The following MIPOL1 variants were observed in gnomAD, a reference collection of about 807,000 sequenced individuals.
The protein encoded by MIPOL1 is mirror-image polydactyly 1, also known as mirror-image polydactyly gene 1 protein.
A neutral mutation model predicts 60.9 loss-of-function variants in MIPOL1; 57 were observed. The ratio of observed to expected loss-of-function variants is 0.94; its 90% CI spans 0.76 to 1.17. The LOEUF (loss-of-function observed/expected upper bound fraction) is 1.17, where lower values mean the gene tolerates loss of function less well. Ranked by LOEUF, MIPOL1 falls within the 50% of genes most tolerant of loss-of-function variation. The probability of loss-of-function intolerance (pLI) is 0.00; values close to 1 mark genes in which losing one functional copy is unlikely to be tolerated. For synonymous variants in MIPOL1, 179 were observed against 168.8 expected, an observed-to-expected ratio of 1.06 and a Z score of -0.47; for missense variants, 551 against 511.6, an observed-to-expected ratio of 1.08 and a Z score of -0.74.
intron 11 of MIPOL1, among the ~76,000 whole-genome samples, chr14:37,494,277 A>G (rs1441974517): frequency 6.6e-6 from 1 of 152,230 alleles, no homozygotes; most frequent in African/African-American, 2.4e-5. Context: ...AAACCACAAG[A>G]TGAAATGGAA....
At chr14:37,295,282 T>C (rs1454379935) in intron 7 of MIPOL1, among the ~76,000 whole-genome samples, 6 of 152,178 alleles carry the variant, frequency 3.9e-5, no homozygotes, top group South Asian at 2.1e-4. Flanking sequence ...CCATGCCTGC[T>C]CTACAAGAGC....
At chr14:37,430,339 A>G (rs1005288101) in intron 11 of MIPOL1, among the ~76,000 whole-genome samples, 1 of 151,942 alleles carries the variant, frequency 6.6e-6, no homozygotes, top group African/African-American at 2.4e-5. Flanking sequence ...TTAAATTTTT[A>G]TTTAGTAACA....
At chr14:37,431,489 C>G (rs1410591507) in intron 11 of MIPOL1, among the ~76,000 whole-genome samples, 1 of 150,922 alleles carries the variant, frequency 6.6e-6, no homozygotes, top group East Asian at 2.0e-4. Flanking sequence ...TTTAACAATA[C>G]CACATTACAT....
intron 11 of MIPOL1, among the ~76,000 whole-genome samples, chr14:37,437,952 A>C (rs775899282): frequency 3.3e-5 from 5 of 152,168 alleles, no homozygotes; most frequent in African/African-American, 1.2e-4. Context: ...CATTAAACGC[A>C]ATATTTTGTG....
intron 12 of MIPOL1, among the ~76,000 whole-genome samples, chr14:37,522,334 G>C (rs183418858): frequency 2.0e-5 from 3 of 152,210 alleles, no homozygotes; most frequent in Non-Finnish European, 4.4e-5. Flanking sequence ...TTATAGAATA[G>C]TTTACCATAT....
In MIPOL1 at chr14:37,519,117, A is replaced by G. The variant is rs181039717; in HGVS notation, c.1262+18979A>G. Among the ~76,000 whole-genome samples, 7 of 152,300 alleles carry G rather than the reference A, an allele frequency of 4.6e-5. No homozygotes were observed. The East Asian group carries it at 9.7e-4, about 21-fold the overall frequency. The stretch of plus-strand genomic sequence containing the variant: ...AGTATAATTAATTCAAGCAAAGACC[A>G]TGAATCAGCTATAAAATTAGTTAAA... On this transcript the variant is annotated intron_variant, in intron 12 of 12. Coordinates refer to ENST00000684589, the MANE Select transcript of MIPOL1 (RefSeq NM_001388067.1).
At chr14:37,478,866 T>C (rs1359917675) in intron 11 of MIPOL1, among the ~76,000 whole-genome samples, 5 of 152,038 alleles carry the variant, frequency 3.3e-5, no homozygotes, top group Non-Finnish European at 5.9e-5. Flanking sequence ...AATATTGTTT[T>C]AGACAATATA....
intron 10 of MIPOL1, among the ~76,000 whole-genome samples, chr14:37,391,685 T>C: frequency 6.6e-6 from 1 of 152,094 alleles, no homozygotes; most frequent in East Asian, 1.9e-4. Context: ...TGAGCCACCG[T>C]GCCCAGCCAC....
chr14:37,349,236 C>T (rs1175724209), intron 9 of MIPOL1, among the ~76,000 whole-genome samples: 1 of 152,096 alleles, frequency 6.6e-6, no homozygotes, highest in Non-Finnish European at 1.5e-5. Context: ...GATCCACCCA[C>T]CTCGGCCTCC....
chr14:37,431,507 A>G (rs1025567126), intron 11 of MIPOL1, among the ~76,000 whole-genome samples: 3 of 151,334 alleles, frequency 2.0e-5, no homozygotes, highest in South Asian at 2.1e-4. Context: ...CATATATAAT[A>G]AAGTCCGAAC....
At chr14:37,524,294 G>A (rs1222064649) in intron 12 of MIPOL1, among the ~76,000 whole-genome samples, 1 of 152,084 alleles carries the variant, frequency 6.6e-6, no homozygotes, top group African/African-American at 2.4e-5. Flanking sequence ...TGGATGTGGG[G>A]TGGGGGAGAT....
intron 11 of MIPOL1, among the ~76,000 whole-genome samples, chr14:37,484,467 A>G (rs1466587561): frequency 6.6e-6 from 1 of 151,098 alleles, no homozygotes; most frequent in Admixed American, 6.6e-5. Context: ...TCTCCTGAGT[A>G]GCTGGGACTA....
rs369471849 is a variant in MIPOL1, at chr14:37,298,164, G to C, written c.624-9892G>C. On this transcript the variant is annotated intron_variant, in intron 7 of 12. Coordinates refer to ENST00000684589, the MANE Select transcript of MIPOL1 (RefSeq NM_001388067.1). ...TAATGCCGCATATCTACAACTATCT[G>C]ATCTTTGACAAACCTGAGAAAAACA... Among the ~76,000 whole-genome samples the C allele has an allele frequency of 4.6e-4, 70 of 152,210 alleles. 1 individual carries two copies. In the East Asian group the frequency reaches 0.012, roughly 25 times the overall value.
chr14:37,365,146 T>A (rs1566443744), intron 9 of MIPOL1, among the ~76,000 whole-genome samples: 1 of 152,196 alleles, frequency 6.6e-6, no homozygotes. Flanking sequence ...GATCATATCA[T>A]CTGCAAACAA....
Position 37,310,254 on chromosome 14 carries a change from C to T in MIPOL1, c.828+1735C>T, listed in dbSNP as rs76229420. On this transcript the variant is annotated intron_variant, in intron 9 of 12. Coordinates refer to ENST00000684589, the MANE Select transcript of MIPOL1 (RefSeq NM_001388067.1). ...GCAGGAGAAAAATCACACAAATTTA[C>T]TGACTGTACTTACCTTAAATCCATG... 1.3e-3 allele frequency among the ~76,000 whole-genome samples: 199 copies of T among 152,266 alleles called. 1 individual carries two copies. The highest frequency in any genetic ancestry group is 4.5e-3 in the African/African-American group (186 of 41,562).
chr14:37,334,676 T>C (rs2089980278), intron 9 of MIPOL1, among the ~76,000 whole-genome samples: 1 of 151,978 alleles, frequency 6.6e-6, no homozygotes, highest in Non-Finnish European at 1.5e-5. Flanking sequence ...TTCCCCCAAA[T>C]TTATTTCCAC....
At chr14:37,258,551 A>T (rs984689135) in intron 3 of MIPOL1, among the ~76,000 whole-genome samples, 2 of 152,154 alleles carry the variant, frequency 1.3e-5, no homozygotes, top group African/African-American at 4.8e-5. Context: ...TTTCACAATC[A>T]TTTCAGCCTA....
intron 10 of MIPOL1, among the ~76,000 whole-genome samples, chr14:37,393,866 A>G (rs1234589022): frequency 2.7e-5 from 4 of 150,208 alleles, no homozygotes; most frequent in Non-Finnish European, 4.4e-5. Flanking sequence ...CCTCCTCCCA[A>G]GTCCCCAAAG....
Position 37,235,929 on chromosome 14 carries a change from A to ATT in MIPOL1, c.-198-11160_-198-11159dup, listed in dbSNP as rs199777000. 5.1e-4 allele frequency among the ~76,000 whole-genome samples: 74 copies of ATT among 143,726 alleles called. 1 individual carries two copies. The highest frequency in any genetic ancestry group is 4.5e-3 in the East Asian group (22 of 4,916). The allele number at this position is 143,726 out of a possible 152,430, so 94.3% of individuals were successfully genotyped here. On this transcript the variant is annotated intron_variant, in intron 1 of 12. Transcript: ENST00000684589. ...ACCTTACCAATGCTTAGTATTTTCAATTTTTTTTTTTTTTTGAGACGAACT... is the reference window on the plus strand; with the variant it reads ...ACCTTACCAATGCTTAGTATTTTCAATTTTTTTTTTTTTTTTTGAGACGAACT...
Sources: gnomAD v4.1 joint callset for allele counts (sites outside exome capture counted in the v4.1 genomes callset) on GRCh38, gnomAD v4.1.1 for gene constraint, MANE v1.5 for transcripts, NCBI Gene and HGNC (gene_info 2026-07-23, HGNC 2026-07-21) for gene names.